The following TNR variants were observed in gnomAD, a reference collection of about 807,000 sequenced individuals.
The protein encoded by TNR is tenascin-R.
Under a neutral mutation model 150.4 loss-of-function variants are expected in TNR, and 45 were observed. The ratio of observed to expected loss-of-function variants is 0.30; its 90% confidence interval spans 0.24 to 0.38. The LOEUF is 0.38. Among genes scored for constraint, TNR ranks in the 10% least tolerant of loss-of-function variants. The probability of loss-of-function intolerance (pLI) is 1.00; values close to 1 mark genes in which losing one functional copy is unlikely to be tolerated. For synonymous variants in TNR, 687 were observed against 678.4 expected (o/e 1.01, Z -0.20); for missense variants, 1,544 against 1,759.1 (o/e 0.88, Z 2.19).
intron 1 of TNR, among the ~76,000 whole-genome samples, chr1:175,593,354 T>C (rs188567655): frequency 7.9e-5 from 12 of 152,230 alleles, no homozygotes; most frequent in Admixed American, 7.2e-4. Context: ...ATAGAGCCAG[T>C]TAATGGAGAA....
At chr1:175,402,283 C>A (rs528543750) in intron 4 of TNR, among the ~76,000 whole-genome samples, 1 of 115,512 alleles carries the variant, frequency 8.7e-6, no homozygotes, top group Admixed American at 1.2e-4. Flanking sequence ...GTCCGCAATC[C>A]GGCCTGGGCG....
Position 175,322,376 on chromosome 1 carries a change from G to A in TNR, c.*981C>T, listed in dbSNP as rs1014827979. 1 of 152,222 alleles carries A rather than the reference G, an allele frequency of 6.6e-6. No individual in the cohort carries two copies. The highest frequency in any genetic ancestry group is 2.4e-5 in the African/African-American group (1 of 41,440). 9.4% of individuals were successfully genotyped at this position (152,222 alleles called of 1,614,324 possible). On this transcript the variant is annotated 3_prime_UTR_variant, in exon 23 of 23. Transcript: ENST00000367674. ...TGGGGTCTAAGACAGGATGGGATTA[G>A]GCAAAAGACTCCATCAGGGCCAGAA...
intron 1 of TNR, among the ~76,000 whole-genome samples, chr1:175,578,152 G>A (rs374416894): frequency 5.3e-5 from 8 of 152,122 alleles, no homozygotes; most frequent in Admixed American, 2.0e-4. Flanking sequence ...AGCAGGGCTC[G>A]CCTCACAGTG....
At chr1:175,476,039 A>C (rs989765157) in intron 2 of TNR, among the ~76,000 whole-genome samples, 3 of 152,172 alleles carry the variant, frequency 2.0e-5, no homozygotes, top group African/African-American at 7.2e-5. Flanking sequence ...ACGCAGCCCA[A>C]ATTGGAGAAT....
At chr1:175,741,652 T>A (rs1432732814) in intron 1 of TNR, among the ~76,000 whole-genome samples, 2 of 152,174 alleles carry the variant, frequency 1.3e-5, no homozygotes, top group Non-Finnish European at 2.9e-5. Flanking sequence ...CCTGCCACTC[T>A]AGGGAGATGC....
chr1:175,678,999 G>C (rs571583259), intron 1 of TNR, among the ~76,000 whole-genome samples: 1 of 152,326 alleles, frequency 6.6e-6, no homozygotes, highest in South Asian at 2.1e-4. Context: ...CCACACTGCC[G>C]GGGAATCTCT....
At chr1:175,571,187 A>AT (rs1329896714) in intron 1 of TNR, among the ~76,000 whole-genome samples, 1 of 152,208 alleles carries the variant, frequency 6.6e-6, no homozygotes, top group Non-Finnish European at 1.5e-5. Flanking sequence ...AGAAGCTATC[A>AT]TAACATGGGA....
At chr1:175,718,910 T>C (rs1667228119) in intron 1 of TNR, among the ~76,000 whole-genome samples, 1 of 152,182 alleles carries the variant, frequency 6.6e-6, no homozygotes, top group South Asian at 2.1e-4. Context: ...GAACTATCCC[T>C]GACAAACAGC....
chr1:175,505,610 A>C (rs859384), intron 2 of TNR, among the ~76,000 whole-genome samples: 97,076 of 152,186 alleles, frequency 0.64, 31,469 homozygotes, highest in African/African-American at 0.76. Context: ...CAGGAAAATG[A>C]CTGGGTGTGA....
intron 19 of TNR, 21 bp downstream of exon 19, chr1:175,337,507 G>A (rs543304615): frequency 2.5e-6 from 4 of 1,612,162 alleles, no homozygotes; most frequent in East Asian, 2.2e-5. Flanking sequence ...TCTGTGCAAG[G>A]AGAGCACAGA....
chr1:175,679,042 G>A (rs1665951374), intron 1 of TNR, among the ~76,000 whole-genome samples: 1 of 152,234 alleles, frequency 6.6e-6, no homozygotes, highest in Non-Finnish European at 1.5e-5. Context: ...CCAGAAGTGG[G>A]ACAAACAGTT....
chr1:175,395,085 C>A (rs1557905552), intron 5 of TNR, among the ~76,000 whole-genome samples: 1 of 151,842 alleles, frequency 6.6e-6, no homozygotes, highest in Non-Finnish European at 1.5e-5. Flanking sequence ...CAAATATAAA[C>A]AGAGATAATT....
chr1:175,370,338 C>CTT (rs55795922), intron 9 of TNR, among the ~76,000 whole-genome samples: 13 of 42,970 alleles, frequency 3.0e-4, no homozygotes, highest in East Asian at 2.0e-3. Flanking sequence ...ATTTTGAGTA[C>CTT]TTTTTTTTTT....
intron 2 of TNR, among the ~76,000 whole-genome samples, chr1:175,462,334 G>A (rs978215067): frequency 6.6e-6 from 1 of 152,194 alleles, no homozygotes; most frequent in Non-Finnish European, 1.5e-5. Context: ...AGGAAACGAT[G>A]AGGCTGACAT....
At chr1:175,652,635 A>G (rs779173628) in intron 1 of TNR, among the ~76,000 whole-genome samples, 12 of 152,044 alleles carry the variant, frequency 7.9e-5, no homozygotes, top group Non-Finnish European at 1.6e-4. Flanking sequence ...AGTGTATGGC[A>G]CTTCCCCGTT....
chr1:175,587,269 C>T (rs979841157), intron 1 of TNR, among the ~76,000 whole-genome samples: 9 of 152,084 alleles, frequency 5.9e-5, no homozygotes, highest in South Asian at 2.1e-4. Context: ...ATAATTGTTA[C>T]GTTAATTGAA....
chr1:175,542,271 G>A (rs1227018744), intron 1 of TNR, among the ~76,000 whole-genome samples: 1 of 152,126 alleles, frequency 6.6e-6, no homozygotes, highest in Non-Finnish European at 1.5e-5. Flanking sequence ...CTCCTCTCTG[G>A]TATTTTATTT....
At chr1:175,323,567 A>T in intron 22 of TNR, 91 bp from the exon 23 acceptor site, 1 of 1,545,162 alleles carries the variant, frequency 6.5e-7, no homozygotes, top group Non-Finnish European at 8.8e-7. Flanking sequence ...CAGGGAATCC[A>T]CAATGTGGGG....
chr1:175,356,349 TG>T lies in TNR; in HGVS notation c.3087del (p.Ser1030ValfsTer18). On this transcript the variant is annotated frameshift_variant, in exon 16 of 23. Transcript: ENST00000367674. LOFTEE classifies it high-confidence loss of function. Reference protein sequence around the residue: ...ATMYATNGPLTSGTISTNFST... With the variant: ...ATMYATNGPLXSGTISTNFST... ...GAAAAGTTGGTGCTGATGGTGCCAC[TG>T]GTGAGAGGTCCATTGGTGGCATACA... 1 of 1,614,032 alleles carries T rather than the reference TG, an allele frequency of 6.2e-7. No homozygotes were observed.
Sources: gnomAD v4.1 joint callset for allele counts (sites outside exome capture counted in the v4.1 genomes callset) on GRCh38, gnomAD v4.1.1 for gene constraint, MANE v1.5 for transcripts, NCBI Gene and HGNC (gene_info 2026-07-23, HGNC 2026-07-21) for gene names.